Variants in BIN1 observed in about 807,000 individuals in gnomAD.
BIN1 encodes the protein myc box-dependent-interacting protein 1.
A neutral mutation model predicts 82.0 loss-of-function variants in BIN1; 53 were observed. That is an observed-to-expected ratio of 0.65 (90% CI 0.52 to 0.81). The LOEUF is 0.81. Among genes scored for constraint, BIN1 ranks in the 40% least tolerant of loss-of-function variants. The pLI, the probability that BIN1 is intolerant of heterozygous loss-of-function variation, is 0.00. For synonymous variants in BIN1, 302 were observed against 328.0 expected (o/e 0.92, Z 0.86); for missense variants, 642 against 784.4 (o/e 0.82, Z 2.17).
intron 5 of BIN1, 128 bp from the exon 6 acceptor site, chr2:127,069,159 T>A: frequency 1.2e-6 from 1 of 837,878 alleles, no homozygotes; most frequent in Admixed American, 2.2e-5. Context: ...CTTGAGCCCT[T>A]GTTGCTGGAA....
chr2:127,071,190 G>A (rs1036676985), intron 2 of BIN1, among the ~76,000 whole-genome samples: 3 of 152,174 alleles, frequency 2.0e-5, no homozygotes, highest in Non-Finnish European at 4.4e-5. Context: ...TCAGACACCT[G>A]CAGACAAGTG....
intron 1 of BIN1, among the ~76,000 whole-genome samples, chr2:127,099,803 C>T (rs1270565622): frequency 2.7e-5 from 4 of 150,066 alleles, no homozygotes; most frequent in Admixed American, 1.3e-4. Flanking sequence ...TGAGCCACTG[C>T]GCCTGGCCTT....
chr2:127,078,165 T>C (rs1016368783), intron 1 of BIN1, among the ~76,000 whole-genome samples: 1 of 152,182 alleles, frequency 6.6e-6, no homozygotes, highest in East Asian at 1.9e-4. Context: ...TTGCAGGTCC[T>C]GTGCTGCCCT....
At chr2:127,072,251 G>A (rs1396041427) in intron 2 of BIN1, among the ~76,000 whole-genome samples, 1 of 152,226 alleles carries the variant, frequency 6.6e-6, no homozygotes, top group African/African-American at 2.4e-5. Context: ...CCAGCACCCT[G>A]AAACCCTCTT....
At position 127,099,758 on chromosome 2, in the gene BIN1, C is replaced by T. The variant is rs184188779; in HGVS notation, c.84+7102G>A. ...CGATCTCTTGACCTCGTGATCCGCC[C>T]GCCTCGGCCTCCCAAAGTGCTGGGG... On this transcript the variant is annotated intron_variant, in intron 1 of 18. Transcript: ENST00000316724. Among the ~76,000 whole-genome samples, 1,030 of 150,906 alleles carry T rather than the reference C, an allele frequency of 6.8e-3. 7 individuals are homozygous for T. Among genetic ancestry groups the T allele is most frequent in the Middle Eastern group, 0.038 (11 of 290 alleles).
At position 127,057,321 on chromosome 2, in the gene BIN1, T is replaced by C. The variant is rs969412184; in HGVS notation, c.1131+152A>G. 10 of 1,079,588 alleles carry C rather than the reference T, an allele frequency of 9.3e-6. No homozygotes were observed. The highest frequency in any genetic ancestry group is 4.8e-5 in the African/African-American group (3 of 62,430). The allele number at this position is 1,079,588 out of a possible 1,614,324, so 66.9% of individuals were successfully genotyped here. On this transcript the variant is annotated intron_variant, in intron 12 of 18. Transcript: ENST00000316724. The surrounding 1 kb of genome is among the most constrained non-coding windows in gnomAD (Gnocchi z 5.0). ...GGTGATGGAGGATGATGGAGGATGA[T>C]GGATGGAGGGAACAAAGGGTGAGAG...
At chr2:127,091,611 G>A (rs142037196) in intron 1 of BIN1, among the ~76,000 whole-genome samples, 1 of 152,312 alleles carries the variant, frequency 6.6e-6, no homozygotes, top group East Asian at 1.9e-4. Context: ...TTGGCTGACC[G>A]GGCGTGGTGG....
rs558955826 is a variant in BIN1 at position 127,064,667 on chromosome 2, G to A, written c.613-649C>T. ...TGTCAGGGGGACCCTAGAGGAGGGTGCAGGGCCAGGGAGGAGGCAGCCAGG... is the reference window on the plus strand; with the variant it reads ...TGTCAGGGGGACCCTAGAGGAGGGTACAGGGCCAGGGAGGAGGCAGCCAGG... On this transcript the variant is annotated intron_variant, in intron 7 of 18. Coordinates refer to ENST00000316724, the MANE Select transcript of BIN1 (RefSeq NM_139343.3). 15 of 168,066 alleles carry A rather than the reference G, an allele frequency of 8.9e-5. 1 individual carries two copies. The South Asian group carries it at 2.2e-3, about 24-fold the overall frequency. 10.4% of individuals were successfully genotyped at this position (168,066 alleles called of 1,614,324 possible).
intron 1 of BIN1, among the ~76,000 whole-genome samples, chr2:127,089,320 C>T (rs765834615): frequency 6.6e-6 from 1 of 152,074 alleles, no homozygotes; most frequent in Non-Finnish European, 1.5e-5. Context: ...AGCTCTGAGC[C>T]AAGACTTGAT....
At chr2:127,069,298 G>T (rs951344991) in intron 5 of BIN1, among the ~76,000 whole-genome samples, 11 of 152,130 alleles carry the variant, frequency 7.2e-5, no homozygotes, top group Admixed American at 3.9e-4. Flanking sequence ...TCTTTTCCTT[G>T]GCCTGGCCCC....
intron 1 of BIN1, among the ~76,000 whole-genome samples, chr2:127,092,229 G>A (rs1444297057): frequency 6.6e-6 from 1 of 152,188 alleles, no homozygotes; most frequent in African/African-American, 2.4e-5. Context: ...CCTGTGCTGT[G>A]TGGTAAGGAG....
chr2:127,053,313 G>A (rs1026097714), intron 14 of BIN1, 109 bp downstream of exon 14: 2 of 1,464,996 alleles, frequency 1.4e-6, no homozygotes, highest in East Asian at 2.4e-5. Context: ...GCGTGTGGGG[G>A]GTGTGTGGGG....
chr2:127,057,434 G>A lies in BIN1; in HGVS notation c.1131+39C>T. On this transcript the variant is annotated intron_variant, in intron 12 of 18. Transcript: ENST00000316724. The surrounding 1 kb of genome is among the most constrained non-coding windows in gnomAD (Gnocchi z 5.0). ...AGGCCATGCACGCCCTGAGAGGGCA[G>A]GAAGAGAGGAGAGCTGGGCCGCGGC... 6.5e-7 allele frequency: 1 copy of A among 1,531,276 alleles called. No homozygotes were observed. The highest frequency in any genetic ancestry group is 1.2e-5 in the South Asian group (1 of 81,948). The allele number at this position is 1,531,276 out of a possible 1,614,324, so 94.9% of individuals were successfully genotyped here.
intron 1 of BIN1, among the ~76,000 whole-genome samples, chr2:127,098,971 C>T (rs1022030750): frequency 1.3e-5 from 2 of 152,254 alleles, no homozygotes; most frequent in East Asian, 1.9e-4. Context: ...CAGCTGACCA[C>T]GGCTGCTTTA....
chr2:127,077,772 C>T lies in BIN1; in HGVS notation c.85-1066G>A, dbSNP rs141502649. Among the ~76,000 whole-genome samples the T allele has an allele frequency of 4.6e-3, 694 of 152,250 alleles. 8 individuals are homozygous for T. Among genetic ancestry groups the T allele is most frequent in the African/African-American group, 0.015 (637 of 41,544 alleles). ...AGAGCAGAGGGGAAGACCAGGGTGGCGGCGGGACACACCCGTCTGCAGCCA... is the reference window on the plus strand; with the variant it reads ...AGAGCAGAGGGGAAGACCAGGGTGGTGGCGGGACACACCCGTCTGCAGCCA... On this transcript the variant is annotated intron_variant, in intron 1 of 18. Coordinates refer to ENST00000316724, the MANE Select transcript of BIN1 (RefSeq NM_139343.3).
At position 127,067,897 on chromosome 2, in the gene BIN1, G is replaced by A. The variant is rs370696518; in HGVS notation, c.612+266C>T. Among the ~76,000 whole-genome samples the A allele has an allele frequency of 6.6e-6, 1 of 152,324 alleles. No individual in the cohort carries two copies. The highest frequency in any genetic ancestry group is 1.9e-4 in the East Asian group (1 of 5,180). ...ATTCCTGGACCACTAGGATTTCAGA[G>A]GAGTCTCCAGGAATGACCACAGATG... On this transcript the variant is annotated intron_variant, in intron 7 of 18. Coordinates refer to ENST00000316724, the MANE Select transcript of BIN1 (RefSeq NM_139343.3). The surrounding 1 kb of genome is among the most constrained non-coding windows in gnomAD (Gnocchi z 4.7).
In BIN1 at chr2:127,059,058, C is replaced by T. The variant is rs1684087820; in HGVS notation, c.955G>A (p.Ala319Thr). Residue 319 changes from alanine (A) to threonine (T), a missense_variant, in exon 11 of 19, where the codon GCC (alanine) becomes ACC (threonine). By Grantham distance (58) the Ala-to-Thr change is moderately conservative. Coordinates refer to ENST00000316724, the MANE Select transcript of BIN1 (RefSeq NM_139343.3). The surrounding 1 kb of genome is among the most constrained non-coding windows in gnomAD (Gnocchi z 6.7). ...EIRVNHEPEP[A>T]GGATPGATLP... ...GTGGCCCCGGGCGTGGCCCCGCCGGCCGGCTCTGGCTCGTGGTTGACTCTG... is the reference window on the plus strand; with the variant it reads ...GTGGCCCCGGGCGTGGCCCCGCCGGTCGGCTCTGGCTCGTGGTTGACTCTG... The T allele has an allele frequency of 5.1e-6, 8 of 1,578,908 alleles. No individual in the cohort carries two copies. The highest frequency in any genetic ancestry group is 2.3e-5 in the East Asian group (1 of 43,342).
At chr2:127,092,716 A>G (rs28434131) in intron 1 of BIN1, among the ~76,000 whole-genome samples, 20,973 of 152,144 alleles carry the variant, frequency 0.14, 1,545 homozygotes, top group Non-Finnish European at 0.17. Context: ...GAGTGTGCCC[A>G]GGTTCCTTCA....
chr2:127,063,910 C>G, intron 8 of BIN1, 23 bp downstream of exon 8: 1 of 1,613,006 alleles, frequency 6.2e-7, no homozygotes, highest in African/African-American at 1.3e-5. Context: ...CCCACGCAGG[C>G]TGGGCACCGT....
Sources: gnomAD v4.1 joint callset for allele counts (sites outside exome capture counted in the v4.1 genomes callset) on GRCh38, gnomAD v4.1.1 for gene constraint, Gnocchi (gnomAD v3.1) non-coding constraint, MANE v1.5 for transcripts, NCBI Gene and HGNC (gene_info 2026-07-23, HGNC 2026-07-21) for gene names.